Variants in EYS observed in about 807,000 individuals in gnomAD.
EYS encodes protein eyes shut homolog.
In EYS, 250 loss-of-function variants were observed where a neutral mutation model predicts 282.1. That is an observed-to-expected ratio of 0.89 (90% CI 0.80 to 0.98). The LOEUF is 0.98. EYS is among the 50% of genes least tolerant of loss of function. EYS has a pLI of 0.00. For missense variants in EYS, 4,016 were observed against 3,709.0 expected (o/e 1.08, Z -2.15); for synonymous variants, 1,355 against 1,282.9 (o/e 1.06, Z -1.20).
At chr6:64,220,479 T>C (rs1323995750) in intron 31 of EYS, among the ~76,000 whole-genome samples, 1 of 152,182 alleles carries the variant, frequency 6.6e-6, no homozygotes, top group Non-Finnish European at 1.5e-5. Flanking sequence ...TGGCATACTT[T>C]GGGCTAGAGC....
intron 12 of EYS, among the ~76,000 whole-genome samples, chr6:65,268,019 T>C (rs548071246): frequency 1.3e-5 from 2 of 151,880 alleles, no homozygotes; most frequent in Admixed American, 6.6e-5. Flanking sequence ...TGTCTTATTA[T>C]GCACAGGATA....
chr6:64,432,089 C>G (rs1371251532), intron 28 of EYS, among the ~76,000 whole-genome samples: 2 of 152,022 alleles, frequency 1.3e-5, no homozygotes, highest in Admixed American at 1.3e-4. Context: ...ATTATTATCT[C>G]AAGGATAATT....
At chr6:64,390,472 C>G (rs917299759) in intron 28 of EYS, among the ~76,000 whole-genome samples, 12 of 151,648 alleles carry the variant, frequency 7.9e-5, no homozygotes, top group Non-Finnish European at 1.5e-4. Context: ...CACCCCTGAC[C>G]CCGGAGCAGC....
intron 36 of EYS, among the ~76,000 whole-genome samples, chr6:63,855,745 G>A (rs1475937562): frequency 6.6e-6 from 1 of 152,182 alleles, no homozygotes; most frequent in Non-Finnish European, 1.5e-5. Flanking sequence ...AGTTTAAAGA[G>A]TGTTCTGATA....
intron 22 of EYS, among the ~76,000 whole-genome samples, chr6:64,790,450 T>C (rs1282938805): frequency 6.7e-6 from 1 of 150,326 alleles, no homozygotes; most frequent in Non-Finnish European, 1.5e-5. Context: ...AGAAAAAAAA[T>C]GTACATCTAA....
chr6:64,936,331 G>T (rs1197041908), intron 15 of EYS, among the ~76,000 whole-genome samples: 1 of 151,412 alleles, frequency 6.6e-6, no homozygotes, highest in Non-Finnish European at 1.5e-5. Context: ...AAAATCTACA[G>T]CTAACATCAT....
At chr6:65,178,848 T>G (rs1765296673) in intron 12 of EYS, among the ~76,000 whole-genome samples, 1 of 151,876 alleles carries the variant, frequency 6.6e-6, no homozygotes, top group Admixed American at 6.6e-5. Flanking sequence ...GAACAGAAAT[T>G]ATAACAAACT....
chr6:65,647,613 G>A (rs1297273656), intron 1 of EYS, among the ~76,000 whole-genome samples: 1 of 152,138 alleles, frequency 6.6e-6, no homozygotes, highest in African/African-American at 2.4e-5. Context: ...TTGCCAAAGA[G>A]TTCATGACTA....
At chr6:63,759,697 A>G (rs1052365918) in intron 41 of EYS, among the ~76,000 whole-genome samples, 4 of 152,108 alleles carry the variant, frequency 2.6e-5, no homozygotes, top group Non-Finnish European at 5.9e-5. Context: ...TTTTCCTATG[A>G]AGAAAGCATG....
At chr6:65,640,090 A>T (rs1767225944) in intron 1 of EYS, among the ~76,000 whole-genome samples, 198 bp from the exon 2 acceptor site, 1 of 152,208 alleles carries the variant, frequency 6.6e-6, no homozygotes, top group African/African-American at 2.4e-5. Flanking sequence ...CAAAATGGGC[A>T]GTATACCTGT....
At position 64,885,727 on chromosome 6, in the gene EYS, T is replaced by C. The variant is rs112887869; in HGVS notation, c.2992+970A>G. On this transcript the variant is annotated intron_variant, in intron 19 of 42. Transcript: ENST00000503581. ...TGAGATTTGTTACCAAGATTACCTC[T>C]GAAGCCATCAAGATTTCTCAGGAAA... 7.8e-3 allele frequency among the ~76,000 whole-genome samples: 1,182 copies of C among 151,944 alleles called. 13 individuals carry two copies. Among genetic ancestry groups the C allele is most frequent in the African/African-American group, 0.026 (1,099 of 41,528 alleles).
At chr6:65,267,880 C>T (rs1055282962) in intron 12 of EYS, among the ~76,000 whole-genome samples, 5 of 151,768 alleles carry the variant, frequency 3.3e-5, no homozygotes, top group Non-Finnish European at 7.4e-5. Context: ...TCTTCTTAAA[C>T]CTATACCTCT....
intron 12 of EYS, among the ~76,000 whole-genome samples, chr6:65,276,558 T>A (rs2150270769): frequency 6.6e-6 from 1 of 152,248 alleles, no homozygotes; most frequent in African/African-American, 2.4e-5. Flanking sequence ...TGGTCTACTG[T>A]TTTACAACAG....
Position 65,533,526 on chromosome 6 carries a change from A to T in EYS, c.-332-37533T>A, listed in dbSNP as rs561340324. On this transcript the variant is annotated intron_variant, in intron 2 of 42. Transcript: ENST00000503581. ...TGATACCAAAGCCTGGGAGAGACAC[A>T]ATAAAAAAAGAGAATTTTAGACCAA... Among the ~76,000 whole-genome samples the T allele has an allele frequency of 1.7e-3, 256 of 152,210 alleles. 2 individuals are homozygous for T. Among genetic ancestry groups the T allele is most frequent in the African/African-American group, 5.8e-3 (242 of 41,556 alleles).
chr6:64,347,432 G>C lies in EYS; in HGVS notation c.6079-40350C>G, dbSNP rs937334719. 2.0e-5 allele frequency among the ~76,000 whole-genome samples: 3 copies of C among 151,270 alleles called. 1 individual carries two copies. The South Asian group carries it at 6.2e-4, about 31-fold the overall frequency. On this transcript the variant is annotated intron_variant, in intron 29 of 42. Coordinates refer to ENST00000503581, the MANE Select transcript of EYS (RefSeq NM_001142800.2). ...CAGATAAAATGTTCTGATCTTTGAG[G>C]TATGTTTCCAAAAATCTGAAGATGG...
chr6:64,657,157 T>G (rs991265320), intron 22 of EYS, among the ~76,000 whole-genome samples: 3 of 152,188 alleles, frequency 2.0e-5, no homozygotes, highest in African/African-American at 7.2e-5. Flanking sequence ...GTCTGTTTTA[T>G]CAGAGACTAG....
intron 5 of EYS, among the ~76,000 whole-genome samples, chr6:65,455,475 T>C (rs1267230676): frequency 6.6e-6 from 1 of 152,064 alleles, no homozygotes; most frequent in Non-Finnish European, 1.5e-5. Flanking sequence ...AATAAAGAGT[T>C]GGATGACTGA....
At position 65,271,128 on chromosome 6, in the gene EYS, T is replaced by TTATATATATATATATATATATATATATA. The variant is rs70999188; in HGVS notation, c.2023+24734_2023+24735insTATATATATATATATATATATATATATA. ...TCTCCAGAGAAACAGAATCAATAGA[T>TTATATATATATATATATATATATATATA]TATATATATATATATATATATATAT... On this transcript the variant is annotated intron_variant, in intron 12 of 42. Coordinates refer to ENST00000503581, the MANE Select transcript of EYS (RefSeq NM_001142800.2). 8.6e-3 allele frequency among the ~76,000 whole-genome samples: 480 copies of TTATATATATATATATATATATATATATA among 55,662 alleles called. 71 individuals carry two copies. The highest frequency in any genetic ancestry group is 0.01 in the Non-Finnish European group (285 of 27,278). The allele number at this position is 55,662 out of a possible 152,430, so 36.5% of individuals were successfully genotyped here. A position where few individuals can be genotyped will look rare whatever the true frequency, so the allele number is the denominator to read the frequency against.
chr6:65,070,685 T>C (rs895246773), intron 12 of EYS, among the ~76,000 whole-genome samples: 1 of 151,754 alleles, frequency 6.6e-6, no homozygotes, highest in Non-Finnish European at 1.5e-5. Flanking sequence ...TCTTTTTCTA[T>C]GGGGGCAAAT....
Sources: allele counts gnomAD v4.1 joint callset (sites outside exome capture counted in the v4.1 genomes callset), GRCh38; gene constraint gnomAD v4.1.1; transcripts MANE v1.5; gene names NCBI Gene and HGNC (gene_info 2026-07-23, HGNC 2026-07-21).